CREB5: variants seen among roughly 807,000 people sequenced by gnomAD.
The protein encoded by CREB5 is cAMP responsive element binding protein 5, also known as cyclic AMP-responsive element-binding protein 5.
CREB5 carries 19 observed loss-of-function variants against 57.1 expected under a neutral mutation model. That is an observed-to-expected ratio of 0.33 (90% CI 0.23 to 0.49). CREB5 has a LOEUF of 0.49. CREB5 is among the 20% of genes least tolerant of loss of function. The probability of loss-of-function intolerance (pLI) is 0.99; values close to 1 mark genes in which losing one functional copy is unlikely to be tolerated. For synonymous variants in CREB5, 238 were observed against 238.3 expected (o/e 1.00, Z 0.01); for missense variants, 579 against 671.6 (o/e 0.86, Z 1.52).
intron 1 of CREB5, among the ~76,000 whole-genome samples, chr7:28,454,523 G>T (rs544485070): frequency 7.9e-5 from 12 of 152,086 alleles, no homozygotes; most frequent in Non-Finnish European, 1.3e-4. Flanking sequence ...ATCCATGTTC[G>T]CCAGATTGCT....
chr7:28,545,070 G>C (rs1276191837), intron 4 of CREB5, among the ~76,000 whole-genome samples: 3 of 152,120 alleles, frequency 2.0e-5, no homozygotes, highest in South Asian at 4.1e-4. Flanking sequence ...TCACCAGGAA[G>C]GAGTTTTCAT....
At chr7:28,337,040 C>T (rs184940528) in intron 1 of CREB5, among the ~76,000 whole-genome samples, 1 of 151,972 alleles carries the variant, frequency 6.6e-6, no homozygotes, top group East Asian at 1.9e-4. Context: ...AGTTTTATTC[C>T]ATTGTGGTCA....
chr7:28,668,521 T>C (rs1583510577), intron 5 of CREB5, among the ~76,000 whole-genome samples: 1 of 152,318 alleles, frequency 6.6e-6, no homozygotes, highest in South Asian at 2.1e-4. Context: ...CAATGAAATA[T>C]ATGTTTTCCT....
intron 7 of CREB5, among the ~76,000 whole-genome samples, chr7:28,762,551 C>A (rs1292249777): frequency 6.6e-6 from 1 of 152,034 alleles, no homozygotes; most frequent in Non-Finnish European, 1.5e-5. Context: ...TTTGAGTGAC[C>A]ATTTGATAAT....
At chr7:28,797,457 G>GAATTATTTTTCTA (rs1477889912) in intron 7 of CREB5, among the ~76,000 whole-genome samples, 9 of 152,226 alleles carry the variant, frequency 5.9e-5, no homozygotes, top group Non-Finnish European at 8.8e-5. Context: ...TATTTTTCTA[G>GAATTATTTTTCTA]GTCTTATGGA....
chr7:28,498,492 T>C (rs1048762591), intron 3 of CREB5, among the ~76,000 whole-genome samples: 18 of 152,230 alleles, frequency 1.2e-4, no homozygotes, highest in Admixed American at 5.9e-4. Context: ...GTCACAGATA[T>C]ACTCTAAGTT....
intron 1 of CREB5, among the ~76,000 whole-genome samples, chr7:28,309,491 G>A (rs189647691): frequency 5.5e-4 from 84 of 152,048 alleles, no homozygotes; most frequent in Admixed American, 8.5e-4. Flanking sequence ...AGGGATAGAG[G>A]CTTCCCTGGA....
intron 1 of CREB5, among the ~76,000 whole-genome samples, chr7:28,373,868 G>A (rs1786765799): frequency 6.6e-6 from 1 of 151,402 alleles, no homozygotes; most frequent in Non-Finnish European, 1.5e-5. Flanking sequence ...AATGCCGCCA[G>A]TGAACCAAAC....
chr7:28,494,331 T>G (rs1450427512), intron 2 of CREB5, among the ~76,000 whole-genome samples: 1 of 152,238 alleles, frequency 6.6e-6, no homozygotes, highest in Non-Finnish European at 1.5e-5. Flanking sequence ...ACTTATTTTT[T>G]GTAAAATGCT....
intron 4 of CREB5, among the ~76,000 whole-genome samples, chr7:28,557,491 T>A (rs183582754): frequency 2.3e-3 from 349 of 152,322 alleles, no homozygotes; most frequent in African/African-American, 3.8e-3. Flanking sequence ...GTGTTTTTTT[T>A]AATTCTTATT....
intron 7 of CREB5, among the ~76,000 whole-genome samples, chr7:28,747,183 A>G (rs767542314): frequency 2.0e-5 from 3 of 152,178 alleles, no homozygotes; most frequent in Non-Finnish European, 4.4e-5. Flanking sequence ...TACAAACAAG[A>G]AAGACAGATG....
At chr7:28,664,610 G>T (rs904183244) in intron 5 of CREB5, among the ~76,000 whole-genome samples, 1 of 152,112 alleles carries the variant, frequency 6.6e-6, no homozygotes, top group Non-Finnish European at 1.5e-5. Context: ...TGATACCTGT[G>T]TACTTAACAT....
intron 5 of CREB5, among the ~76,000 whole-genome samples, chr7:28,629,475 T>TCTGTATTCA: frequency 6.6e-6 from 1 of 152,330 alleles, no homozygotes; most frequent in South Asian, 2.1e-4. Flanking sequence ...AACAGACAAC[T>TCTGTATTCA]CTGTATTCAC....
intron 4 of CREB5, among the ~76,000 whole-genome samples, chr7:28,556,277 G>C (rs951655899): frequency 1.3e-5 from 2 of 152,090 alleles, no homozygotes; most frequent in Non-Finnish European, 2.9e-5. Context: ...TTCTAAGCCC[G>C]ATTGTTTCAC....
At chr7:28,539,273 T>C (rs1794103846) in intron 4 of CREB5, among the ~76,000 whole-genome samples, 1 of 152,220 alleles carries the variant, frequency 6.6e-6, no homozygotes, top group African/African-American at 2.4e-5. Flanking sequence ...CTTAGTTGAT[T>C]AAAATTATGA....
intron 7 of CREB5, chr7:28,724,574 T>C: frequency 4.3e-6 from 2 of 466,336 alleles, no homozygotes; most frequent in Non-Finnish European, 7.8e-6. Context: ...TTAGGAGTTT[T>C]GGTAGATCCA....
intron 5 of CREB5, among the ~76,000 whole-genome samples, chr7:28,616,810 AAACTTAGCAATCTGATGACC>A (rs1469591382): frequency 6.6e-6 from 1 of 152,250 alleles, no homozygotes; most frequent in African/African-American, 2.4e-5. Context: ...CCATGTTAGG[AAACTTAGCAATCTGATGACC>A]AACAGATACC....
At chr7:28,711,874 A>G (rs1037777371) in intron 5 of CREB5, among the ~76,000 whole-genome samples, 5 of 152,248 alleles carry the variant, frequency 3.3e-5, no homozygotes, top group Admixed American at 2.6e-4. Flanking sequence ...AGAGCAAGCC[A>G]TAATTTTTTA....
intron 5 of CREB5, among the ~76,000 whole-genome samples, chr7:28,695,460 G>A (rs915246970): frequency 2.6e-5 from 4 of 152,162 alleles, no homozygotes; most frequent in Admixed American, 2.6e-4. Flanking sequence ...GCAACCAACA[G>A]GCAGGCCCTT....
Sources: allele counts gnomAD v4.1 joint callset (sites outside exome capture counted in the v4.1 genomes callset), GRCh38; gene constraint gnomAD v4.1.1; transcripts MANE v1.5; gene names NCBI Gene and HGNC (gene_info 2026-07-23, HGNC 2026-07-21).